RANBP2: variants seen among roughly 807,000 people sequenced by gnomAD.
RANBP2 encodes the protein E3 SUMO-protein ligase RanBP2.
A neutral mutation model predicts 303.6 loss-of-function variants in RANBP2; 57 were observed. That is an observed-to-expected ratio of 0.19 (90% confidence interval 0.15 to 0.23). The LOEUF is 0.23. Among genes scored for constraint, RANBP2 ranks in the 10% least tolerant of loss-of-function variants. The pLI is 1.00. For missense variants in RANBP2, 3,138 were observed against 3,780.8 expected (o/e 0.83, Z 4.46); for synonymous variants, 1,167 against 1,301.5 (o/e 0.90, Z 2.23).
At chr2:109,169,044 C>G in the RANBP2 span, among the ~76,000 whole-genome samples, 1 of 152,162 alleles carries the variant, frequency 6.6e-6, no homozygotes, top group Non-Finnish European at 1.5e-5. Context: ...TCACTGAGGG[C>G]TGAGAAGTGG....
At chr2:108,788,051 A>G, downstream of RANBP2, 1 of 1,574,268 alleles carries the variant, frequency 6.4e-7, no homozygotes. Flanking sequence ...TCAAATTTTT[A>G]TCAGTCTAAG....
chr2:108,890,257 T>G, the RANBP2 span, among the ~76,000 whole-genome samples: 94 of 110,472 alleles, frequency 8.5e-4, no homozygotes, highest in Non-Finnish European at 1.5e-3. Flanking sequence ...TTTTTTTTTT[T>G]GTAATGGGGT....
chr2:109,516,301 G>A, the RANBP2 span, among the ~76,000 whole-genome samples: 13,145 of 152,286 alleles, frequency 0.086, 1,054 homozygotes, highest in East Asian at 0.24. Flanking sequence ...CTCCCCTGGC[G>A]TCACTGATGG....
chr2:109,394,945 G>A, the RANBP2 span, among the ~76,000 whole-genome samples: 1 of 152,274 alleles, frequency 6.6e-6, no homozygotes, highest in South Asian at 2.1e-4. Flanking sequence ...GCACTGGCAG[G>A]CGAGGGCATC....
the RANBP2 span, among the ~76,000 whole-genome samples, chr2:109,101,530 AAAAAC>A: frequency 2.0e-5 from 3 of 152,188 alleles, no homozygotes; most frequent in Non-Finnish European, 2.9e-5. Context: ...TCTGTCTCAA[AAAAAC>A]AAAACAAAAC....
chr2:109,571,215 AGT>A, the RANBP2 span, among the ~76,000 whole-genome samples: 1 of 152,236 alleles, frequency 6.6e-6, no homozygotes, highest in African/African-American at 2.4e-5. Flanking sequence ...AGGAACTGTA[AGT>A]CAATTAAACC....
the RANBP2 span, among the ~76,000 whole-genome samples, chr2:109,319,996 G>C: frequency 6.6e-6 from 1 of 152,182 alleles, no homozygotes; most frequent in East Asian, 1.9e-4. Context: ...AGTGGGGGGT[G>C]CTATTCTGGA....
At chr2:109,708,762 G>A in the RANBP2 span, among the ~76,000 whole-genome samples, 1 of 152,016 alleles carries the variant, frequency 6.6e-6, no homozygotes, top group East Asian at 1.9e-4. Flanking sequence ...GATCACCTGA[G>A]GTCAGGGGTT....
the RANBP2 span, chr2:108,930,201 G>T: frequency 6.2e-7 from 1 of 1,614,102 alleles, no homozygotes; most frequent in Non-Finnish European, 8.5e-7. Flanking sequence ...CGTTCTCACC[G>T]CAGTTTGAGT....
At chr2:108,768,479 A>T (rs547318624) in intron 20 of RANBP2, 91 bp downstream of exon 20, 5 of 1,598,024 alleles carry the variant, frequency 3.1e-6, no homozygotes, top group Non-Finnish European at 4.2e-6. Flanking sequence ...TAATGTTGGG[A>T]TATAAATGAT....
the RANBP2 span, among the ~76,000 whole-genome samples, chr2:108,976,941 T>C: frequency 6.6e-6 from 1 of 152,156 alleles, no homozygotes; most frequent in Admixed American, 6.5e-5. Flanking sequence ...TCACTGGAGA[T>C]TGGCATTAGA....
the RANBP2 span, among the ~76,000 whole-genome samples, chr2:109,519,290 G>T: frequency 6.6e-6 from 1 of 152,044 alleles, no homozygotes; most frequent in Non-Finnish European, 1.5e-5. Context: ...TAGGGGGATG[G>T]CACTAAACCC....
At chr2:109,574,443 TAA>T in the RANBP2 span, 27,695 of 269,008 alleles carry the variant, frequency 0.1, 415 homozygotes, top group African/African-American at 0.18. Context: ...ACTTTATCTC[TAA>T]AAAAAAAAAA....
chr2:109,379,590 T>G, the RANBP2 span, among the ~76,000 whole-genome samples: 1 of 152,222 alleles, frequency 6.6e-6, no homozygotes, highest in Non-Finnish European at 1.5e-5. Context: ...CTGGGGAAGA[T>G]GCAGTTTTGT....
the RANBP2 span, among the ~76,000 whole-genome samples, chr2:109,446,892 C>G: frequency 6.6e-6 from 1 of 152,074 alleles, no homozygotes; most frequent in African/African-American, 2.4e-5. Flanking sequence ...ACGCCGAGGG[C>G]CACAGCGCTT....
chr2:109,516,472 C>T, the RANBP2 span, among the ~76,000 whole-genome samples: 6 of 152,328 alleles, frequency 3.9e-5, no homozygotes, highest in South Asian at 2.1e-4. Flanking sequence ...TCCTGATATG[C>T]GGACACTCAG....
chr2:109,238,158 C>A, the RANBP2 span, among the ~76,000 whole-genome samples: 2 of 152,068 alleles, frequency 1.3e-5, no homozygotes, highest in Non-Finnish European at 2.9e-5. Context: ...CATGATCATG[C>A]GGGTGCACTC....
the RANBP2 span, among the ~76,000 whole-genome samples, chr2:109,097,808 G>T: frequency 6.6e-6 from 1 of 151,408 alleles, no homozygotes; most frequent in East Asian, 1.9e-4. Flanking sequence ...AGGCCTGCTT[G>T]CTTCAAGGTG....
In RANBP2 at chr2:108,719,656, G is replaced by T; in HGVS notation, c.50G>T (p.Gly17Val). ...DVERYIASVQ[G>V]STPSPRQKSM... Reference sequence around the variant, plus strand: ...GAGCGGTACATCGCCTCGGTGCAGGGCTCCACCCCGTCGCCTCGACAGGTG... The same window carrying T: ...GAGCGGTACATCGCCTCGGTGCAGGTCTCCACCCCGTCGCCTCGACAGGTG... Residue 17 changes from glycine to valine, a missense_variant, in exon 1 of 29, where the codon GGC becomes GTC. By Grantham distance (109) the Gly-to-Val change is moderately radical (BLOSUM62 -3). This residue lies in a region of RANBP2 where 306 missense variants were observed against 381.9 expected (regional missense o/e 0.80). Coordinates refer to ENST00000283195, the MANE Select transcript of RANBP2 (RefSeq NM_006267.5). 1 of 1,606,990 alleles carries T rather than the reference G, an allele frequency of 6.2e-7. No individual in the cohort carries two copies. The highest frequency in any genetic ancestry group is 8.5e-7 in the Non-Finnish European group (1 of 1,177,894).
Sources: gnomAD v4.1 joint callset for allele counts (sites outside exome capture counted in the v4.1 genomes callset) on GRCh38, gnomAD v4.1.1 for gene constraint, gnomAD v4.1.1 regional missense constraint, MANE v1.5 for transcripts, NCBI Gene and HGNC (gene_info 2026-07-23, HGNC 2026-07-21) for gene names.